The following RAB38 variants were observed in gnomAD, a reference collection of about 807,000 sequenced individuals.
RAB38 encodes the protein RAB38, member RAS oncogene family, also known as ras-related protein Rab-38.
RAB38 carries 15 observed loss-of-function variants against 18.4 expected under a neutral mutation model. That is an observed-to-expected ratio of 0.82 (90% CI 0.55 to 1.26). RAB38 has a LOEUF of 1.26. Among genes scored for constraint, RAB38 ranks in the 50% most tolerant of loss-of-function variants. The pLI is 0.00. For synonymous variants in RAB38, 101 were observed against 104.4 expected, an observed-to-expected ratio of 0.97 and a Z score of 0.20; for missense variants, 294 against 267.4, an observed-to-expected ratio of 1.10 and a Z score of -0.69.
the RAB38 span, among the ~76,000 whole-genome samples, chr11:88,041,575 A>G: frequency 6.6e-6 from 1 of 152,232 alleles, no homozygotes; most frequent in Non-Finnish European, 1.5e-5. Flanking sequence ...GAATGTTATT[A>G]GCTCAACTAA....
the RAB38 span, among the ~76,000 whole-genome samples, chr11:87,936,421 G>T: frequency 1.3e-5 from 2 of 151,914 alleles, no homozygotes; most frequent in African/African-American, 2.4e-5. Context: ...CCATTAAATT[G>T]CTTTTGCACC....
chr11:88,135,985 G>A (rs532051781), intron 2 of RAB38, among the ~76,000 whole-genome samples: 5 of 152,244 alleles, frequency 3.3e-5, no homozygotes, highest in South Asian at 2.1e-4. Flanking sequence ...TCTTTCCTCC[G>A]GAGCAAGCTT....
At chr11:87,877,553 T>C in the RAB38 span, among the ~76,000 whole-genome samples, 1 of 151,524 alleles carries the variant, frequency 6.6e-6, no homozygotes, top group Non-Finnish European at 1.5e-5. Context: ...CCAATTTTCT[T>C]TCCTTTGTGT....
chr11:88,028,349 C>T, the RAB38 span, among the ~76,000 whole-genome samples: 2 of 152,170 alleles, frequency 1.3e-5, no homozygotes, highest in Non-Finnish European at 2.9e-5. Flanking sequence ...AATGCAGTTC[C>T]TCACCAGAAA....
chr11:87,947,742 C>G, the RAB38 span, among the ~76,000 whole-genome samples: 3 of 152,250 alleles, frequency 2.0e-5, no homozygotes, highest in South Asian at 6.2e-4. Flanking sequence ...TTCCATTGGT[C>G]TATATCTCTG....
Position 88,114,108 on chromosome 11 carries a change from G to A in RAB38, c.516C>T (p.Cys172=), listed in dbSNP as rs1942514781. ...CATTTGCAAGTATGTGTTTCACCAG[G>A]CATCTGGAGGCTTCATCAATGTTTA... ...ENINIDEASR[C]LVKHILANEC... The change falls in exon 3 of 3, where the codon TGC becomes TGT. Residue 172 remains cysteine, a synonymous_variant. Coordinates refer to ENST00000243662, the MANE Select transcript of RAB38 (RefSeq NM_022337.3). 6.2e-7 allele frequency: 1 copy of A among 1,614,012 alleles called. No homozygotes were observed. Among genetic ancestry groups the A allele is most frequent in the African/African-American group, 1.3e-5 (1 of 74,894 alleles).
In RAB38 at chr11:88,149,786, C is replaced by G. The variant is rs551154044; in HGVS notation, c.372G>C (p.Leu124Phe). ...LPNGKPVSVVLLANKCDQGKD... is the reference protein window; with the variant it reads ...LPNGKPVSVVFLANKCDQGKD... ...TCCCCTGGTCACATTTGTTGGCCAA[C>G]AAAACCACTGAAACCGGTTTGCCAT... The change falls in exon 2 of 3, where the codon TTG (leucine) becomes TTC (phenylalanine). Residue 124 changes from leucine to phenylalanine, a missense_variant. Physicochemically the swap from Leu to Phe is conservative, Grantham distance 22. Transcript: ENST00000243662. 10 of 1,614,178 alleles carry G rather than the reference C, an allele frequency of 6.2e-6. No individual in the cohort carries two copies. In the East Asian group the frequency reaches 1.8e-4, roughly 29 times the overall value.
At chr11:87,977,346 T>C in the RAB38 span, among the ~76,000 whole-genome samples, 28 of 112,938 alleles carry the variant, frequency 2.5e-4, 2 homozygotes, top group East Asian at 6.1e-3. Context: ...TATAAAATTA[T>C]ATATTATATA....
the RAB38 span, among the ~76,000 whole-genome samples, chr11:87,858,195 A>G: frequency 6.6e-6 from 1 of 152,022 alleles, no homozygotes; most frequent in African/African-American, 2.4e-5. Flanking sequence ...ATTATTTCTG[A>G]GGGTCCTGTT....
chr11:87,952,292 G>A, the RAB38 span, among the ~76,000 whole-genome samples: 1 of 152,142 alleles, frequency 6.6e-6, no homozygotes, highest in African/African-American at 2.4e-5. Context: ...CTCATTTAAA[G>A]GTGGGCCTCA....
the RAB38 span, among the ~76,000 whole-genome samples, chr11:88,077,681 C>T: frequency 6.6e-6 from 1 of 151,966 alleles, no homozygotes; most frequent in East Asian, 1.9e-4. Flanking sequence ...ATGAAACTAC[C>T]AGAAGAAAAT....
chr11:87,855,913 T>C, the RAB38 span, among the ~76,000 whole-genome samples: 1 of 152,190 alleles, frequency 6.6e-6, no homozygotes, highest in Admixed American at 6.5e-5. Flanking sequence ...ATGCTCCCTA[T>C]ACGGCAACAT....
At chr11:88,166,441 G>C (rs1231387525) in intron 1 of RAB38, 1 of 152,056 alleles carries the variant, frequency 6.6e-6, no homozygotes, top group Non-Finnish European at 1.5e-5. Flanking sequence ...AGGTAATCTT[G>C]TGTTCTGGTT....
At chr11:87,875,750 CATTTT>C in the RAB38 span, among the ~76,000 whole-genome samples, 1 of 151,382 alleles carries the variant, frequency 6.6e-6, no homozygotes. Context: ...AGCTCAATAA[CATTTT>C]ATTTTTAAAA....
chr11:87,968,395 C>A, the RAB38 span, among the ~76,000 whole-genome samples: 4 of 152,174 alleles, frequency 2.6e-5, no homozygotes, highest in South Asian at 4.2e-4. Flanking sequence ...GCTTCCCTTG[C>A]GTCTAGGTGT....
intron 2 of RAB38, among the ~76,000 whole-genome samples, chr11:88,147,376 A>G (rs1427439245): frequency 1.3e-5 from 2 of 152,130 alleles, no homozygotes; most frequent in Admixed American, 1.3e-4. Flanking sequence ...TTGCACTTAC[A>G]ATGTAATGTA....
At chr11:88,159,038 A>G (rs1159262675) in intron 1 of RAB38, among the ~76,000 whole-genome samples, 1 of 151,942 alleles carries the variant, frequency 6.6e-6, no homozygotes, top group African/African-American at 2.4e-5. Flanking sequence ...CGAGAACTAT[A>G]AATGACTTCA....
At chr11:88,152,280 A>G (rs302660) in intron 1 of RAB38, among the ~76,000 whole-genome samples, 42,331 of 152,098 alleles carry the variant, frequency 0.28, 6,562 homozygotes, top group Non-Finnish European at 0.33. Flanking sequence ...CTGCTTGTCC[A>G]GAGGTTTTCA....
chr11:87,872,671 A>T, the RAB38 span, among the ~76,000 whole-genome samples: 1 of 151,534 alleles, frequency 6.6e-6, no homozygotes, highest in Non-Finnish European at 1.5e-5. Flanking sequence ...CTAGGATATC[A>T]TATGGTTGGA....
Sources: gnomAD v4.1 joint callset for allele counts (sites outside exome capture counted in the v4.1 genomes callset) on GRCh38, gnomAD v4.1.1 for gene constraint, MANE v1.5 for transcripts, NCBI Gene and HGNC (gene_info 2026-07-23, HGNC 2026-07-21) for gene names.